The following SENP2 variants were observed in gnomAD, a reference collection of about 807,000 sequenced individuals.
SENP2 encodes sentrin-specific protease 2.
SENP2 carries 16 observed loss-of-function variants against 86.3 expected under a neutral mutation model. The observed-to-expected ratio is 0.19, with a 90% CI of 0.13 to 0.28. The LOEUF (loss-of-function observed/expected upper bound fraction) is 0.28, where lower values mean the gene tolerates loss of function less well. SENP2 is among the 10% of genes least tolerant of loss of function. The pLI is 1.00. For synonymous variants in SENP2, 222 were observed against 238.7 expected, an observed-to-expected ratio of 0.93 and a Z score of 0.64; for missense variants, 552 against 703.0, an observed-to-expected ratio of 0.79 and a Z score of 2.43.
chr3:185,629,348 G>T (rs1041244307), intron 16 of SENP2, among the ~76,000 whole-genome samples: 1 of 152,100 alleles, frequency 6.6e-6, no homozygotes, highest in South Asian at 2.1e-4. Flanking sequence ...ATGCTGAGGC[G>T]GGCGGATCAC....
In SENP2 at chr3:185,586,559, C is replaced by T. The variant is rs751907669; in HGVS notation, c.101+45C>T. Reference sequence around the variant, plus strand: ...AGCGCCAGCCTGGCCTTACCCCCTCCCCCACAGCGGGCTCCTCGGCCGTGA... The same window carrying T: ...AGCGCCAGCCTGGCCTTACCCCCTCTCCCACAGCGGGCTCCTCGGCCGTGA... On this transcript the variant is annotated intron_variant, in intron 1 of 16. Transcript: ENST00000296257. This position sits in a 1 kb window ranked among gnomAD's most constrained non-coding sequence, Gnocchi z 4.3. 10 of 1,555,412 alleles carry T rather than the reference C, an allele frequency of 6.4e-6. No homozygotes were observed. The South Asian group carries it at 1.1e-4, about 17-fold the overall frequency.
At position 185,593,325 on chromosome 3, in the gene SENP2, A is replaced by C. The variant is rs181345910; in HGVS notation, c.157+3156A>C. 2.6e-5 allele frequency among the ~76,000 whole-genome samples: 4 copies of C among 152,134 alleles called. No homozygotes were observed. In the East Asian group the frequency reaches 7.8e-4, roughly 29 times the overall value. ...GGGTCTTGCTATATTGCTCAGGCTG[A>C]TCTCGAACTCCTGGGCTTAATTAAG... On this transcript the variant is annotated intron_variant, in intron 2 of 16. Coordinates refer to ENST00000296257, the MANE Select transcript of SENP2 (RefSeq NM_021627.3).
At chr3:185,628,748 T>C (rs561966961) in intron 16 of SENP2, among the ~76,000 whole-genome samples, 17 of 151,468 alleles carry the variant, frequency 1.1e-4, no homozygotes, top group South Asian at 4.2e-4. Flanking sequence ...TCAGGTGATA[T>C]GCCCACCTTG....
Position 185,619,514 on chromosome 3 carries a change from G to A in SENP2, c.1446+12G>A. On this transcript the variant is annotated intron_variant, in intron 13 of 16. Transcript: ENST00000296257. ...ATTGGAGCCTGGTGGTGAGTAGAGA[G>A]GGTTAATGGTTAATTGTTGGACTTG... 1 of 1,609,290 alleles carries A rather than the reference G, an allele frequency of 6.2e-7. No individual in the cohort carries two copies. Among genetic ancestry groups the A allele is most frequent in the Non-Finnish European group, 8.5e-7 (1 of 1,176,360 alleles).
At chr3:185,628,567 C>T (rs930800131) in intron 16 of SENP2, among the ~76,000 whole-genome samples, 5 of 152,208 alleles carry the variant, frequency 3.3e-5, no homozygotes, top group African/African-American at 4.8e-5. Context: ...AGTGCAATGG[C>T]GCAATCTCAG....
chr3:185,628,797 C>T (rs1443089340), intron 16 of SENP2, among the ~76,000 whole-genome samples: 4 of 152,294 alleles, frequency 2.6e-5, no homozygotes, highest in Admixed American at 1.3e-4. Context: ...TGAGCCACCG[C>T]GCCTGGCCAA....
At chr3:185,623,816 G>A (rs1456644425) in intron 14 of SENP2, among the ~76,000 whole-genome samples, 182 bp from the exon 15 acceptor site, 1 of 87,498 alleles carries the variant, frequency 1.1e-5, no homozygotes. Context: ...GACAGAGCGA[G>A]ACTCTGTCTC....
Position 185,628,562 on chromosome 3 carries a change from A to G in SENP2, c.1708-1220A>G, listed in dbSNP as rs548290758. 4.6e-5 allele frequency among the ~76,000 whole-genome samples: 7 copies of G among 152,268 alleles called. No homozygotes were observed. The East Asian group carries it at 5.8e-4, about 13-fold the overall frequency. ...GTTCTTGTTGCCCAGGCTGGAGTGC[A>G]ATGGCGCAATCTCAGCTCACTGCAA... On this transcript the variant is annotated intron_variant, in intron 16 of 16. Transcript: ENST00000296257.
chr3:185,626,452 C>CA, intron 16 of SENP2, 59 bp downstream of exon 16: 5 of 1,129,044 alleles, frequency 4.4e-6, no homozygotes, highest in South Asian at 1.3e-5. Flanking sequence ...GGCACTTGGC[C>CA]AGTGCCTGGC....
Position 185,609,355 on chromosome 3 carries a change from CAG to C in SENP2, c.722+6_722+7del, listed in dbSNP as rs1722612363. The C allele has an allele frequency of 6.3e-7, 1 of 1,586,316 alleles. No homozygotes were observed. The highest frequency in any genetic ancestry group is 8.7e-7 in the Non-Finnish European group (1 of 1,155,206). ...TGTAACTTCAAATTATCACAGGTGA[CAG>C]TGAGCTAACAGATAATGCTTTGCTA... On this transcript the variant is annotated splice_donor_region_variant and intron_variant, in intron 7 of 16. Coordinates refer to ENST00000296257, the MANE Select transcript of SENP2 (RefSeq NM_021627.3).
rs1396413475 is a variant in SENP2 at position 185,586,546 on chromosome 3, G to C, written c.101+32G>C. The stretch of plus-strand genomic sequence containing the variant: ...CGAGAGGGGGCTGAGCGCCAGCCTG[G>C]CCTTACCCCCTCCCCCACAGCGGGC... On this transcript the variant is annotated intron_variant, in intron 1 of 16. Coordinates refer to ENST00000296257, the MANE Select transcript of SENP2 (RefSeq NM_021627.3). This position sits in a 1 kb window ranked among gnomAD's most constrained non-coding sequence, Gnocchi z 4.3. 28 of 1,588,892 alleles carry C rather than the reference G, an allele frequency of 1.8e-5. No homozygotes were observed. The Admixed American group carries it at 4.7e-4, about 27-fold the overall frequency.
At position 185,599,035 on chromosome 3, in the gene SENP2, CA is replaced by C. The variant is rs1159461669; in HGVS notation, c.358+16del. The C allele has an allele frequency of 2.5e-6, 4 of 1,605,034 alleles. No homozygotes were observed. The highest frequency in any genetic ancestry group is 3.4e-6 in the Non-Finnish European group (4 of 1,175,152). On this transcript the variant is annotated intron_variant, in intron 4 of 16. Transcript: ENST00000296257. ...ACATGCTGAAACTGGGTGAGGTGGT[CA>C]AAAATATTTCTGTTTCCCGCTACCT...
intron 13 of SENP2, among the ~76,000 whole-genome samples, chr3:185,621,624 A>G (rs1422491686): frequency 1.3e-5 from 2 of 151,828 alleles, no homozygotes; most frequent in Non-Finnish European, 2.9e-5. Context: ...TCCTGACCTC[A>G]TGATCCGCCC....
intron 6 of SENP2, 85 bp downstream of exon 6, chr3:185,606,583 A>C: frequency 1.7e-6 from 2 of 1,158,566 alleles, no homozygotes; most frequent in Non-Finnish European, 1.2e-6. Flanking sequence ...GAATGGTTCA[A>C]CGTTTGACAT....
Position 185,619,495 on chromosome 3 carries a change from G to C in SENP2, c.1439G>C (p.Ser480Thr). Residue 480 changes from serine (S) to threonine (T), a missense_variant, in exon 13 of 17, where the codon AGC (serine) becomes ACC (threonine). Transcript: ENST00000296257. ...CCTATTCATCGGAAGGTACATTGGAGCCTGGTGGTGAGTAGAGAGGGTTAA... is the reference window on the plus strand; with the variant it reads ...CCTATTCATCGGAAGGTACATTGGACCCTGGTGGTGAGTAGAGAGGGTTAA... ...LVPIHRKVHWSLVVIDLRKKC... is the reference protein window; with the variant it reads ...LVPIHRKVHWTLVVIDLRKKC... The C allele has an allele frequency of 6.2e-7, 1 of 1,613,770 alleles. No individual in the cohort carries two copies. Among genetic ancestry groups the C allele is most frequent in the Non-Finnish European group, 8.5e-7 (1 of 1,179,736 alleles).
At position 185,629,883 on chromosome 3, in the gene SENP2, T is replaced by G. The variant is rs1329653250; in HGVS notation, c.*39T>G. ...GGTCCCTCTAGCTGCTGGTGGTTCT[T>G]TCACAGACATTTCCATATACCTCAT... On this transcript the variant is annotated 3_prime_UTR_variant, in exon 17 of 17. Coordinates refer to ENST00000296257, the MANE Select transcript of SENP2 (RefSeq NM_021627.3). 7 of 1,593,530 alleles carry G rather than the reference T, an allele frequency of 4.4e-6. No individual in the cohort carries two copies. The highest frequency in any genetic ancestry group is 1.7e-4 in the Middle Eastern group (1 of 6,038).
intron 1 of SENP2, among the ~76,000 whole-genome samples, chr3:185,587,732 A>ATTTTTTTTTTTTTT (rs59565990): frequency 8.2e-5 from 6 of 73,000 alleles, no homozygotes; most frequent in African/African-American, 1.2e-4. Context: ...ATGCCCGGCT[A>ATTTTTTTTTTTTTT]TTTTTTTTTT....
chr3:185,593,514 A>G (rs745676956), intron 2 of SENP2, among the ~76,000 whole-genome samples: 4 of 152,188 alleles, frequency 2.6e-5, no homozygotes, highest in Non-Finnish European at 5.9e-5. Flanking sequence ...TAGGGGATTC[A>G]ACATTCACAG....
At chr3:185,587,912 A>AT (rs928815191) in intron 1 of SENP2, among the ~76,000 whole-genome samples, 31 of 141,928 alleles carry the variant, frequency 2.2e-4, no homozygotes, top group South Asian at 1.4e-3. Context: ...TATTTTTTGT[A>AT]TTTTTTTTAG....
Sources: allele counts gnomAD v4.1 joint callset (sites outside exome capture counted in the v4.1 genomes callset), GRCh38; gene constraint gnomAD v4.1.1; non-coding constraint Gnocchi (gnomAD v3.1); transcripts MANE v1.5; gene names NCBI Gene and HGNC (gene_info 2026-07-23, HGNC 2026-07-21).